SLCO5A1: variants seen among roughly 807,000 people sequenced by gnomAD.
SLCO5A1 encodes the protein organic anion transporter polypeptide-related protein 4.
SLCO5A1 carries 39 observed loss-of-function variants against 65.1 expected under a neutral mutation model. The ratio of observed to expected loss-of-function variants is 0.60; its 90% CI spans 0.46 to 0.78. SLCO5A1 has a LOEUF of 0.78. Among genes scored for constraint, SLCO5A1 ranks in the 30% least tolerant of loss-of-function variants. The pLI is 0.00. For synonymous variants in SLCO5A1, 438 were observed against 415.7 expected (o/e 1.05, Z -0.65); for missense variants, 1,029 against 1,069.4 (o/e 0.96, Z 0.53).
At chr8:69,735,147 G>A (rs1348439208) in intron 5 of SLCO5A1, among the ~76,000 whole-genome samples, 1 of 152,098 alleles carries the variant, frequency 6.6e-6, no homozygotes, top group Non-Finnish European at 1.5e-5. Context: ...TCAGGATGGC[G>A]ATTATTAAAA....
At chr8:69,697,543 G>A (rs1043512583) in intron 6 of SLCO5A1, among the ~76,000 whole-genome samples, 12 of 152,128 alleles carry the variant, frequency 7.9e-5, no homozygotes, top group African/African-American at 2.9e-4. Flanking sequence ...GAGAAATAAT[G>A]TAATCAAGAG....
chr8:69,704,975 A>G, intron 6 of SLCO5A1, 56 bp downstream of exon 6: 2 of 1,533,346 alleles, frequency 1.3e-6, no homozygotes, highest in South Asian at 2.2e-5. Context: ...CACAAACACC[A>G]CAGGGCTTTG....
At chr8:69,710,249 C>T (rs1207794643) in intron 5 of SLCO5A1, among the ~76,000 whole-genome samples, 1 of 152,048 alleles carries the variant, frequency 6.6e-6, no homozygotes, top group East Asian at 1.9e-4. Context: ...GAACTCCTGA[C>T]CTCAGGTGAT....
At chr8:69,674,866 A>AAC (rs1813484283) in intron 9 of SLCO5A1, among the ~76,000 whole-genome samples, 9 of 49,538 alleles carry the variant, frequency 1.8e-4, no homozygotes, top group African/African-American at 6.1e-4. Flanking sequence ...ACTAAAAAAA[A>AAC]AAACAAAAAA....
chr8:69,706,819 T>C (rs999523997), intron 5 of SLCO5A1, among the ~76,000 whole-genome samples: 2 of 152,200 alleles, frequency 1.3e-5, no homozygotes, highest in African/African-American at 4.8e-5. Context: ...TTATGTTTAA[T>C]GTACTTCTGG....
chr8:69,699,261 G>A (rs1036862394), intron 6 of SLCO5A1, among the ~76,000 whole-genome samples: 2 of 152,260 alleles, frequency 1.3e-5, no homozygotes, highest in Admixed American at 1.3e-4. Context: ...GGAGAAGTTC[G>A]GTGAGATGCT....
At chr8:69,834,128 A>ACC (rs1554533436) in intron 1 of SLCO5A1, 251 of 144,890 alleles carry the variant, frequency 1.7e-3, no homozygotes, top group Non-Finnish European at 2.9e-3. Flanking sequence ...ACACACACAC[A>ACC]CCGGCGTACT....
chr8:69,682,074 G>A (rs1813806578), intron 7 of SLCO5A1, 110 bp downstream of exon 7: 2 of 1,165,550 alleles, frequency 1.7e-6, no homozygotes, highest in Non-Finnish European at 1.2e-6. Context: ...AGGTTACTTG[G>A]AGCCTCTTGA....
intron 9 of SLCO5A1, among the ~76,000 whole-genome samples, chr8:69,673,780 G>A (rs539297334): frequency 3.3e-5 from 5 of 152,228 alleles, no homozygotes; most frequent in Admixed American, 6.5e-5. Flanking sequence ...TTGTGGGTTG[G>A]GCTTTAGTCC....
At chr8:69,726,223 T>G (rs150183193) in intron 5 of SLCO5A1, among the ~76,000 whole-genome samples, 1 of 152,176 alleles carries the variant, frequency 6.6e-6, no homozygotes, top group African/African-American at 2.4e-5. Flanking sequence ...TGTGCCCAAA[T>G]ATATAAAATT....
intron 5 of SLCO5A1, among the ~76,000 whole-genome samples, chr8:69,709,468 AT>A (rs1470100915): frequency 6.6e-6 from 1 of 152,206 alleles, no homozygotes; most frequent in Non-Finnish European, 1.5e-5. Context: ...TAGCTTTACA[AT>A]GTTAGTTTTT....
intron 2 of SLCO5A1, among the ~76,000 whole-genome samples, chr8:69,762,607 T>C (rs1009738336): frequency 6.6e-6 from 1 of 151,946 alleles, no homozygotes; most frequent in Non-Finnish European, 1.5e-5. Flanking sequence ...ATTTTTTTTA[T>C]GTCTAAGATA....
At chr8:69,711,077 G>A (rs932551697) in intron 5 of SLCO5A1, among the ~76,000 whole-genome samples, 2 of 152,088 alleles carry the variant, frequency 1.3e-5, no homozygotes, top group South Asian at 4.1e-4. Flanking sequence ...TGAGCTTATG[G>A]AGCGGCTGCG....
At chr8:69,723,945 G>A (rs1389015830) in intron 5 of SLCO5A1, among the ~76,000 whole-genome samples, 1 of 151,940 alleles carries the variant, frequency 6.6e-6, no homozygotes, top group African/African-American at 2.4e-5. Context: ...CTAATTTTTT[G>A]TATTTTTAGT....
Position 69,738,104 on chromosome 8 carries a change from G to T in SLCO5A1, c.1359C>A (p.Thr453=). 1 of 1,613,932 alleles carries T rather than the reference G, an allele frequency of 6.2e-7. No homozygotes were observed. The highest frequency in any genetic ancestry group is 8.5e-7 in the Non-Finnish European group (1 of 1,179,886). ...AESAIVTAFI[T]FIPKFIESQF... ...GTGACTCGATGAACTTGGGAATGAAGGTAATGAAAGCAGTTACAATGGCAC... is the reference window on the plus strand; with the variant it reads ...GTGACTCGATGAACTTGGGAATGAATGTAATGAAAGCAGTTACAATGGCAC... The change falls in exon 5 of 10, where the codon ACC becomes ACA. Residue 453 remains threonine, a synonymous_variant. Coordinates refer to ENST00000260126, the MANE Select transcript of SLCO5A1 (RefSeq NM_030958.3).
chr8:69,774,803 C>T (rs1347690952), intron 2 of SLCO5A1, among the ~76,000 whole-genome samples: 1 of 152,202 alleles, frequency 6.6e-6, no homozygotes, highest in Non-Finnish European at 1.5e-5. Context: ...TGACACAGCA[C>T]TGCAGATAAC....
At chr8:69,695,042 T>G (rs1239001008) in intron 6 of SLCO5A1, among the ~76,000 whole-genome samples, 1 of 152,208 alleles carries the variant, frequency 6.6e-6, no homozygotes, top group Non-Finnish European at 1.5e-5. Context: ...AAAATGGAAT[T>G]GCTCTGCATG....
chr8:69,702,749 G>A (rs1252737634), intron 6 of SLCO5A1, among the ~76,000 whole-genome samples: 1 of 152,048 alleles, frequency 6.6e-6, no homozygotes, highest in African/African-American at 2.4e-5. Flanking sequence ...TTGGCACCAA[G>A]CACCAAAACT....
chr8:69,829,166 G>T (rs73684314), intron 2 of SLCO5A1, among the ~76,000 whole-genome samples: 2,098 of 152,238 alleles, frequency 0.014, 43 homozygotes, highest in African/African-American at 0.046. Flanking sequence ...GAACAGCAAG[G>T]TGCATGTAAT....
Sources: allele counts gnomAD v4.1 joint callset (sites outside exome capture counted in the v4.1 genomes callset), GRCh38; gene constraint gnomAD v4.1.1; transcripts MANE v1.5; gene names NCBI Gene and HGNC (gene_info 2026-07-23, HGNC 2026-07-21).